LGSN: variants seen among roughly 807,000 people sequenced by gnomAD.
The protein encoded by LGSN is lengsin.
In LGSN, 21 loss-of-function variants were observed where a neutral mutation model predicts 19.5. That is an observed-to-expected ratio of 1.07 (90% CI 0.76 to 1.55). The LOEUF (loss-of-function observed/expected upper bound fraction) is 1.55. LGSN is among the 40% of genes most tolerant of loss of function. The pLI is 0.00. For missense variants in LGSN, 673 were observed against 608.5 expected, an observed-to-expected ratio of 1.11 and a Z score of -1.12; for synonymous variants, 257 against 215.6, an observed-to-expected ratio of 1.19 and a Z score of -1.68.
At chr6:63,465,262 C>T in the LGSN span, among the ~76,000 whole-genome samples, 2 of 151,852 alleles carry the variant, frequency 1.3e-5, no homozygotes, top group Non-Finnish European at 2.9e-5. Context: ...CTCGCTGCAA[C>T]CTCCACCTCC....
At chr6:63,353,638 A>G in the LGSN span, among the ~76,000 whole-genome samples, 1 of 152,124 alleles carries the variant, frequency 6.6e-6, no homozygotes, top group Admixed American at 6.5e-5. Flanking sequence ...AGAAATTGAA[A>G]AAACAATCTC....
the LGSN span, among the ~76,000 whole-genome samples, chr6:63,509,540 C>A: frequency 6.6e-6 from 1 of 151,760 alleles, no homozygotes; most frequent in Non-Finnish European, 1.5e-5. Flanking sequence ...ATTAATTATA[C>A]CTTTTAGTTT....
the LGSN span, among the ~76,000 whole-genome samples, chr6:63,444,479 G>A: frequency 6.6e-6 from 1 of 152,178 alleles, no homozygotes; most frequent in African/African-American, 2.4e-5. Context: ...TTATATGTAA[G>A]GAATAGAGAT....
chr6:63,411,020 G>A, the LGSN span, among the ~76,000 whole-genome samples: 1 of 152,136 alleles, frequency 6.6e-6, no homozygotes, highest in Non-Finnish European at 1.5e-5. Flanking sequence ...AGTAGGAAAT[G>A]TAAATTGTGC....
chr6:63,470,055 C>A, the LGSN span, among the ~76,000 whole-genome samples: 1 of 151,762 alleles, frequency 6.6e-6, no homozygotes, highest in African/African-American at 2.4e-5. Flanking sequence ...TTTGTAATTT[C>A]ATCTAATAAA....
At chr6:63,570,243 A>G in the LGSN span, among the ~76,000 whole-genome samples, 2 of 152,194 alleles carry the variant, frequency 1.3e-5, no homozygotes, top group African/African-American at 4.8e-5. Context: ...AGGCAGGAGA[A>G]TTGCTGGAAC....
At chr6:63,437,752 A>G in the LGSN span, among the ~76,000 whole-genome samples, 1 of 152,034 alleles carries the variant, frequency 6.6e-6, no homozygotes, top group African/African-American at 2.4e-5. Flanking sequence ...CAACATAGTG[A>G]AACCCTGTCT....
the LGSN span, among the ~76,000 whole-genome samples, chr6:63,346,724 G>C: frequency 6.6e-6 from 1 of 151,904 alleles, no homozygotes; most frequent in African/African-American, 2.4e-5. Flanking sequence ...TAACCTATAG[G>C]ATGTGACTCT....
the LGSN span, among the ~76,000 whole-genome samples, chr6:63,505,597 G>GAA: frequency 2.6e-5 from 3 of 117,108 alleles, no homozygotes; most frequent in African/African-American, 1.1e-4. Flanking sequence ...AAGAAAGAAA[G>GAA]AAAGAAAGAA....
At chr6:63,537,727 A>T in the LGSN span, among the ~76,000 whole-genome samples, 1 of 152,276 alleles carries the variant, frequency 6.6e-6, no homozygotes, top group Non-Finnish European at 1.5e-5. Context: ...CCTTGTCAGC[A>T]GATCAGAACC....
chr6:63,559,281 TA>T, the LGSN span, among the ~76,000 whole-genome samples: 159 of 152,352 alleles, frequency 1.0e-3, no homozygotes, highest in African/African-American at 3.6e-3. Context: ...ATGATACTTG[TA>T]AACAGCAAGG....
chr6:63,324,965 G>A (rs1478619096), upstream of LGSN, among the ~76,000 whole-genome samples: 1 of 151,740 alleles, frequency 6.6e-6, no homozygotes, highest in East Asian at 1.9e-4. Flanking sequence ...AATTAGCTGG[G>A]CGTGGTTGAG....
At chr6:63,541,831 A>ACC in the LGSN span, among the ~76,000 whole-genome samples, 5 of 152,052 alleles carry the variant, frequency 3.3e-5, no homozygotes, top group Non-Finnish European at 7.4e-5. Flanking sequence ...TAATGGCTTC[A>ACC]CCCCTGTTTC....
rs1767177638 is a variant in LGSN, at chr6:63,278,791, A to T, written c.*1230T>A. The T allele has an allele frequency of 2.0e-5, 3 of 152,208 alleles. No individual in the cohort carries two copies. The South Asian group carries it at 6.2e-4, about 32-fold the overall frequency. The allele number at this position is 152,208 out of a possible 1,614,324, so 9.4% of individuals were successfully genotyped here. A position where few individuals can be genotyped will look rare whatever the true frequency, so the allele number is the denominator to read the frequency against. ...GAAAAAAGAAGGGAGTAATTAGTGA[A>T]GGATAGACTGACTTTCACTATTTAA... On this transcript the variant is annotated 3_prime_UTR_variant, in exon 4 of 4. Transcript: ENST00000370657.
At chr6:63,331,022 A>G in the LGSN span, among the ~76,000 whole-genome samples, 1 of 152,076 alleles carries the variant, frequency 6.6e-6, no homozygotes, top group Non-Finnish European at 1.5e-5. Flanking sequence ...CAGGTACCTG[A>G]GTTGGGCCAA....
the LGSN span, among the ~76,000 whole-genome samples, chr6:63,360,416 T>A: frequency 6.6e-6 from 1 of 152,220 alleles, no homozygotes; most frequent in Non-Finnish European, 1.5e-5. Context: ...TCATTTGATC[T>A]TCCATCCTGA....
chr6:63,500,929 T>C, the LGSN span, among the ~76,000 whole-genome samples: 1 of 151,992 alleles, frequency 6.6e-6, no homozygotes, highest in Non-Finnish European at 1.5e-5. Flanking sequence ...GATTTTGCCA[T>C]GTTGGCCAGG....
Position 63,281,049 on chromosome 6 carries a change from C to A in LGSN, c.502G>T (p.Val168Leu). Residue 168 changes from valine to leucine, a missense_variant, in exon 4 of 4, where the codon GTG becomes TTG. Physicochemically the swap from Val to Leu is conservative, Grantham distance 32. Transcript: ENST00000370657. Reference sequence around the variant, plus strand: ...GTCACAGTGAAGGTATCACATATCACTCTTGCAGTTCTGTCAGCCCATGGC... The same window carrying A: ...GTCACAGTGAAGGTATCACATATCAATCTTGCAGTTCTGTCAGCCCATGGC... ...VLPWADRTAR[V>L]ICDTFTVTGE... 1.2e-6 allele frequency: 2 copies of A among 1,614,056 alleles called. No homozygotes were observed. Among genetic ancestry groups the A allele is most frequent in the Non-Finnish European group, 1.7e-6 (2 of 1,179,996 alleles).
chr6:63,453,810 C>G, the LGSN span, among the ~76,000 whole-genome samples: 1 of 152,154 alleles, frequency 6.6e-6, no homozygotes, highest in South Asian at 2.1e-4. Flanking sequence ...CCCGCCACCA[C>G]GCCCGGCTAA....
Sources: allele counts gnomAD v4.1 joint callset (sites outside exome capture counted in the v4.1 genomes callset), GRCh38; gene constraint gnomAD v4.1.1; transcripts MANE v1.5; gene names NCBI Gene and HGNC (gene_info 2026-07-23, HGNC 2026-07-21).